The following EIPR1 variants were observed in gnomAD, a reference collection of about 807,000 sequenced individuals.
The protein encoded by EIPR1 is EARP and GARP complex-interacting protein 1.
A neutral mutation model predicts 48.1 loss-of-function variants in EIPR1; 25 were observed. The observed-to-expected ratio is 0.52, with a 90% CI of 0.38 to 0.73. The LOEUF is 0.73. Among genes scored for constraint, EIPR1 ranks in the 30% least tolerant of loss-of-function variants. The pLI is 0.00. For missense variants in EIPR1, 415 were observed against 506.2 expected (o/e 0.82, Z 1.73); for synonymous variants, 204 against 201.9 (o/e 1.01, Z -0.09).
At chr2:3,308,744 C>T (rs534169107) in intron 3 of EIPR1, among the ~76,000 whole-genome samples, 2 of 152,226 alleles carry the variant, frequency 1.3e-5, no homozygotes, top group African/African-American at 4.8e-5. Context: ...AAGACAAGAA[C>T]GAAAATTGAA....
intron 4 of EIPR1, among the ~76,000 whole-genome samples, chr2:3,237,626 C>T (rs548105661): frequency 6.6e-6 from 1 of 152,234 alleles, no homozygotes; most frequent in African/African-American, 2.4e-5. Context: ...TCACATGGAA[C>T]GCGCTAAGAG....
rs946095996 is a variant in EIPR1 at position 3,189,049 on chromosome 2, A to T, written c.*285T>A. 1.4e-5 allele frequency: 4 copies of T among 292,506 alleles called. No homozygotes were observed. The highest frequency in any genetic ancestry group is 4.3e-5 in the African/African-American group (2 of 46,282). The allele number at this position is 292,506 out of a possible 1,614,324, so 18.1% of individuals were successfully genotyped here. On this transcript the variant is annotated 3_prime_UTR_variant, in exon 9 of 9. Coordinates refer to ENST00000382125, the MANE Select transcript of EIPR1 (RefSeq NM_003310.5). This position sits in a 1 kb window ranked among gnomAD's most constrained non-coding sequence, Gnocchi z 4.6. The stretch of plus-strand genomic sequence containing the variant: ...CTATTGCAGGAACAGACATTTTTTT[A>T]AAAAGCGAAACTCCTGACACCCTTA...
At chr2:3,213,050 G>A (rs896350693) in intron 5 of EIPR1, among the ~76,000 whole-genome samples, 1 of 152,134 alleles carries the variant, frequency 6.6e-6, no homozygotes, top group South Asian at 2.1e-4. Flanking sequence ...GCTGAGGAAA[G>A]GACTTATTAA....
In EIPR1 at chr2:3,377,707, C is replaced by G; in HGVS notation, c.-18G>C. 1 of 1,572,814 alleles carries G rather than the reference C, an allele frequency of 6.4e-7. No homozygotes were observed. The highest frequency in any genetic ancestry group is 8.6e-7 in the Non-Finnish European group (1 of 1,158,662). ...TCCTCCATGCTGCGGGGAAGCGACCCGACCCCGGCCACTCACACGCTAAGG... is the reference window on the plus strand; with the variant it reads ...TCCTCCATGCTGCGGGGAAGCGACCGGACCCCGGCCACTCACACGCTAAGG... On this transcript the variant is annotated 5_prime_UTR_variant, in exon 1 of 9. Coordinates refer to ENST00000382125, the MANE Select transcript of EIPR1 (RefSeq NM_003310.5).
intron 4 of EIPR1, among the ~76,000 whole-genome samples, chr2:3,243,363 C>T (rs1334001416): frequency 2.6e-5 from 4 of 151,932 alleles, no homozygotes; most frequent in Non-Finnish European, 5.9e-5. Context: ...GGCACGGTGG[C>T]TCACACCTGT....
chr2:3,283,062 CA>C (rs1191501868), intron 3 of EIPR1, among the ~76,000 whole-genome samples: 1 of 152,214 alleles, frequency 6.6e-6, no homozygotes, highest in Non-Finnish European at 1.5e-5. Context: ...CAGTGCCCCC[CA>C]ACCCAATTTA....
intron 3 of EIPR1, among the ~76,000 whole-genome samples, chr2:3,332,208 T>C (rs1669920307): frequency 1.3e-5 from 2 of 152,212 alleles, no homozygotes; most frequent in Admixed American, 6.5e-5. Context: ...AAACATACGC[T>C]TTTTTCTCAA....
rs896306678 is a variant in EIPR1, at chr2:3,286,436, G to A, written c.260-28981C>T. ...AGAAGGAGCAGTGCCAAGGACCCCC[G>A]GGGGTGGGGCCATCCTACCAGGCAT... On this transcript the variant is annotated intron_variant, in intron 3 of 8. Transcript: ENST00000382125. The surrounding 1 kb of genome is among the most constrained non-coding windows in gnomAD (Gnocchi z 4.2). 3.9e-5 allele frequency among the ~76,000 whole-genome samples: 6 copies of A among 152,130 alleles called. No homozygotes were observed. The highest frequency in any genetic ancestry group is 7.4e-5 in the Non-Finnish European group (5 of 68,012).
intron 1 of EIPR1, among the ~76,000 whole-genome samples, chr2:3,375,553 T>C: frequency 6.6e-6 from 1 of 152,178 alleles, no homozygotes; most frequent in East Asian, 1.9e-4. Flanking sequence ...TACAAGATTA[T>C]AGAACCTTCT....
At chr2:3,231,882 T>C (rs899784097) in intron 4 of EIPR1, among the ~76,000 whole-genome samples, 3 of 152,232 alleles carry the variant, frequency 2.0e-5, no homozygotes, top group African/African-American at 7.2e-5. Flanking sequence ...TCTTCTTAAT[T>C]TTGTGGAAAG....
chr2:3,327,861 AT>A (rs113905521), intron 3 of EIPR1, among the ~76,000 whole-genome samples: 2 of 149,738 alleles, frequency 1.3e-5, no homozygotes, highest in Admixed American at 6.7e-5. Context: ...ACTATCCTGT[AT>A]TTTTTTTTTC....
intron 3 of EIPR1, among the ~76,000 whole-genome samples, chr2:3,310,027 G>T (rs2103307276): frequency 6.6e-6 from 1 of 152,126 alleles, no homozygotes; most frequent in East Asian, 1.9e-4. Flanking sequence ...TCTCCCCACT[G>T]CAGACACCAG....
intron 3 of EIPR1, chr2:3,274,445 G>A: frequency 6.5e-7 from 1 of 1,546,422 alleles, no homozygotes; most frequent in Admixed American, 2.0e-5. Context: ...GGGCAGAACT[G>A]TTCAGTCAGC....
intron 5 of EIPR1, chr2:3,208,926 C>T: frequency 2.6e-6 from 4 of 1,530,876 alleles, no homozygotes; most frequent in East Asian, 2.5e-5. Context: ...AGGGTCCGTG[C>T]ACGCTCCTTC....
chr2:3,287,155 T>C (rs1668211798), intron 3 of EIPR1, among the ~76,000 whole-genome samples: 1 of 152,154 alleles, frequency 6.6e-6, no homozygotes, highest in Non-Finnish European at 1.5e-5. Flanking sequence ...AGAAAACTCA[T>C]TCAACATGTT....
intron 3 of EIPR1, among the ~76,000 whole-genome samples, chr2:3,262,821 G>A (rs994904298): frequency 6.6e-6 from 1 of 152,212 alleles, no homozygotes; most frequent in Non-Finnish European, 1.5e-5. Context: ...CAAGTGCCAC[G>A]TGTCACTCAT....
intron 3 of EIPR1, among the ~76,000 whole-genome samples, chr2:3,328,960 AGCCAGGCTCC>A (rs1669792946): frequency 9.1e-6 from 1 of 110,348 alleles, no homozygotes; most frequent in African/African-American, 4.2e-5. Context: ...TCAGGGCACC[AGCCAGGCTCC>A]CCTGAATCAG....
At chr2:3,344,624 G>A (rs1034676804) in intron 2 of EIPR1, among the ~76,000 whole-genome samples, 1 of 147,276 alleles carries the variant, frequency 6.8e-6, no homozygotes, top group African/African-American at 2.5e-5. Flanking sequence ...AACATATACT[G>A]GTTCTGGTTC....
chr2:3,309,781 C>G (rs373935209), intron 3 of EIPR1, among the ~76,000 whole-genome samples: 5 of 152,158 alleles, frequency 3.3e-5, no homozygotes, highest in Non-Finnish European at 5.9e-5. Flanking sequence ...TTGAAGAGAC[C>G]GGTCCACACC....
Sources: gnomAD v4.1 joint callset for allele counts (sites outside exome capture counted in the v4.1 genomes callset) on GRCh38, gnomAD v4.1.1 for gene constraint, Gnocchi (gnomAD v3.1) non-coding constraint, MANE v1.5 for transcripts, NCBI Gene and HGNC (gene_info 2026-07-23, HGNC 2026-07-21) for gene names.